The following TRPM1 variants were observed in gnomAD, a reference collection of about 807,000 sequenced individuals.
TRPM1 encodes TRPM1-203 APA Isoform, Intron 10.
Under a neutral mutation model 149.4 loss-of-function variants are expected in TRPM1, and 113 were observed. The observed-to-expected ratio is 0.76, with a 90% confidence interval of 0.65 to 0.88. TRPM1 has a LOEUF of 0.88. Ranked by LOEUF, TRPM1 falls within the 40% of genes least tolerant of loss-of-function variation. TRPM1 has a pLI of 0.00. For missense variants in TRPM1, 1,976 were observed against 2,038.7 expected, an observed-to-expected ratio of 0.97 and a Z score of 0.59; for synonymous variants, 741 against 759.5, an observed-to-expected ratio of 0.98 and a Z score of 0.40.
At chr15:31,055,203 C>T (rs909767463) in intron 11 of TRPM1, among the ~76,000 whole-genome samples, 1 of 152,124 alleles carries the variant, frequency 6.6e-6, no homozygotes, top group Non-Finnish European at 1.5e-5. Context: ...ACCTTATATC[C>T]CACTGTAGGG....
At chr15:31,021,575 A>G (rs2032552102) in intron 27 of TRPM1, among the ~76,000 whole-genome samples, 1 of 152,090 alleles carries the variant, frequency 6.6e-6, no homozygotes, top group Admixed American at 6.5e-5. Flanking sequence ...GCACGCCTGT[A>G]GCCTCAGCTA....
chr15:31,062,732 C>T, intron 8 of TRPM1, 30 bp from the exon 9 acceptor site: 6 of 1,612,338 alleles, frequency 3.7e-6, no homozygotes, highest in Non-Finnish European at 5.1e-6. Context: ...GAGAACAAAA[C>T]AAGGCAAGTT....
At chr15:31,012,970 CTTTTTCTTTTTT>C (rs201396966) in intron 27 of TRPM1, among the ~76,000 whole-genome samples, 11,309 of 147,632 alleles carry the variant, frequency 0.077, 484 homozygotes, top group Middle Eastern at 0.13. Flanking sequence ...TCATTTCTTT[CTTTTTCTTTTTT>C]TTTTTCTTTT....
intron 27 of TRPM1, among the ~76,000 whole-genome samples, chr15:31,011,970 C>A (rs1423428136): frequency 6.6e-6 from 1 of 152,004 alleles, no homozygotes; most frequent in Non-Finnish European, 1.5e-5. Flanking sequence ...GGCCTAACAC[C>A]AATTATTTTC....
intron 1 of TRPM1, among the ~76,000 whole-genome samples, chr15:31,146,737 A>G (rs1349286422): frequency 6.6e-6 from 1 of 152,222 alleles, no homozygotes; most frequent in African/African-American, 2.4e-5. Flanking sequence ...CTGTATTCCC[A>G]GCACTTTGGG....
intron 1 of TRPM1, among the ~76,000 whole-genome samples, chr15:31,124,274 G>T (rs2035916422): frequency 6.7e-6 from 1 of 150,176 alleles, no homozygotes; most frequent in Non-Finnish European, 1.5e-5. Context: ...GACAGAGTGA[G>T]ACTCCGTCTA....
At chr15:31,113,840 A>G (rs2338853) in intron 1 of TRPM1, among the ~76,000 whole-genome samples, 100,927 of 151,540 alleles carry the variant, frequency 0.67, 33,753 homozygotes, top group East Asian at 0.74. Context: ...TGTGAACAGC[A>G]AAACAACGAC....
At position 31,002,806 on chromosome 15, in the gene TRPM1, A is replaced by G. The variant is rs776490898; in HGVS notation, c.3894T>C (p.His1298=). ...CAAATAATAACTCTTCTCCGTTAAA[A>G]TGATATCGATACAAGCTGTAGCCAT... ...SADGYSLYRY[H]FNGEELLFED... Residue 1298 remains histidine, a synonymous_variant, in exon 28 of 28, where the codon CAT becomes CAC. Transcript: ENST00000256552. The G allele has an allele frequency of 6.2e-7, 1 of 1,614,126 alleles. No individual in the cohort carries two copies. Among genetic ancestry groups the G allele is most frequent in the Non-Finnish European group, 8.5e-7 (1 of 1,180,050 alleles).
chr15:31,045,207 C>T (rs1195785096), intron 16 of TRPM1, among the ~76,000 whole-genome samples: 1 of 152,204 alleles, frequency 6.6e-6, no homozygotes, highest in Non-Finnish European at 1.5e-5. Flanking sequence ...TACACTGAAT[C>T]CATGAAGAAT....
chr15:31,086,016 C>G (rs2034991390), intron 1 of TRPM1, among the ~76,000 whole-genome samples: 1 of 148,330 alleles, frequency 6.7e-6, no homozygotes, highest in Non-Finnish European at 1.5e-5. Flanking sequence ...TCTGACCGTT[C>G]CGAGGAGAAA....
intron 18 of TRPM1, among the ~76,000 whole-genome samples, chr15:31,038,643 C>T (rs1343558899): frequency 1.3e-5 from 2 of 152,090 alleles, no homozygotes; most frequent in Non-Finnish European, 2.9e-5. Flanking sequence ...ACCCAGGAGG[C>T]GGAGCTTGCA....
At chr15:31,031,748 C>T (rs2033091069) in intron 22 of TRPM1, among the ~76,000 whole-genome samples, 1 of 152,152 alleles carries the variant, frequency 6.6e-6, no homozygotes, top group Non-Finnish European at 1.5e-5. Context: ...AGGAGGCTTG[C>T]TTTCTTCTTG....
At chr15:31,041,075 T>G (rs538359441) in intron 17 of TRPM1, among the ~76,000 whole-genome samples, 5 of 152,066 alleles carry the variant, frequency 3.3e-5, no homozygotes, top group Non-Finnish European at 7.4e-5. Context: ...CAAGCTGAAT[T>G]TTGAGCATAA....
At chr15:31,094,240 T>G (rs985439971) in intron 1 of TRPM1, among the ~76,000 whole-genome samples, 2 of 152,186 alleles carry the variant, frequency 1.3e-5, no homozygotes, top group Admixed American at 6.5e-5. Flanking sequence ...TTGTAAGACC[T>G]AAAACCATAA....
intron 1 of TRPM1, among the ~76,000 whole-genome samples, chr15:31,082,808 G>T (rs576823513): frequency 1.3e-5 from 2 of 152,322 alleles, no homozygotes; most frequent in East Asian, 1.9e-4. Context: ...GGGCATTTAC[G>T]TAGTTTTAGA....
chr15:31,159,738 A>G (rs954398302), intron 1 of TRPM1, among the ~76,000 whole-genome samples: 3 of 152,160 alleles, frequency 2.0e-5, no homozygotes, highest in African/African-American at 7.2e-5. Context: ...CTGGTTCAAC[A>G]TCTGCTTCTG....
chr15:31,149,479 C>T (rs1209968547), intron 1 of TRPM1, among the ~76,000 whole-genome samples: 1 of 151,078 alleles, frequency 6.6e-6, no homozygotes, highest in Non-Finnish European at 1.5e-5. Flanking sequence ...TGCCTGGGTC[C>T]TTGGGGTGCA....
intron 1 of TRPM1, among the ~76,000 whole-genome samples, chr15:31,115,012 T>C (rs11853267): frequency 0.41 from 61,888 of 152,156 alleles, 13,249 homozygotes; most frequent in East Asian, 0.73. Context: ...CCCAGCACTT[T>C]GGGAGGCCAA....
intron 7 of TRPM1, among the ~76,000 whole-genome samples, chr15:31,065,640 C>T (rs2034353358): frequency 1.3e-5 from 2 of 152,190 alleles, no homozygotes; most frequent in South Asian, 2.1e-4. Flanking sequence ...ATGTCCCCAC[C>T]TGGCCATCTT....
Sources: allele counts gnomAD v4.1 joint callset (sites outside exome capture counted in the v4.1 genomes callset), GRCh38; gene constraint gnomAD v4.1.1; transcripts MANE v1.5; gene names NCBI Gene and HGNC (gene_info 2026-07-23, HGNC 2026-07-21).